The following ZFHX3 variants were observed in gnomAD, a reference collection of about 807,000 sequenced individuals.
ZFHX3 encodes zinc finger homeobox 3, also known as zinc finger homeobox protein 3.
ZFHX3 carries 42 observed loss-of-function variants against 279.1 expected under a neutral mutation model. The ratio of observed to expected loss-of-function variants is 0.15; its 90% CI spans 0.12 to 0.19. The LOEUF (loss-of-function observed/expected upper bound fraction) is 0.19. Among genes scored for constraint, ZFHX3 ranks in the 10% least tolerant of loss-of-function variants. ZFHX3 has a pLI of 1.00. For synonymous variants in ZFHX3, 2,293 were observed against 1,957.8 expected, an observed-to-expected ratio of 1.17 and a Z score of -4.52; for missense variants, 4,981 against 4,754.0, an observed-to-expected ratio of 1.05 and a Z score of -1.40.
intron 4 of ZFHX3, among the ~76,000 whole-genome samples, chr16:72,858,421 A>G (rs2037804683): frequency 6.6e-6 from 1 of 152,188 alleles, no homozygotes; most frequent in African/African-American, 2.4e-5. Context: ...GGCAAAACAA[A>G]AAGAGGGGGG....
chr16:72,901,943 C>T (rs1489222126), intron 3 of ZFHX3, among the ~76,000 whole-genome samples: 1 of 152,134 alleles, frequency 6.6e-6, no homozygotes, highest in Non-Finnish European at 1.5e-5. Context: ...CATTAAAAGC[C>T]GATATTGTTC....
chr16:73,330,305 G>T (rs2143224460), intron 3 of ZFHX3, among the ~76,000 whole-genome samples: 1 of 152,300 alleles, frequency 6.6e-6, no homozygotes, highest in East Asian at 1.9e-4. Context: ...TAATTAATCT[G>T]GGCAGGTTAA....
intron 5 of ZFHX3, among the ~76,000 whole-genome samples, chr16:73,255,928 C>A (rs1363035319): frequency 6.6e-6 from 1 of 152,276 alleles, no homozygotes; most frequent in East Asian, 1.9e-4. Context: ...TAGGAGTCTG[C>A]CGTCTTGGTT....
intron 2 of ZFHX3, among the ~76,000 whole-genome samples, chr16:73,566,864 A>G (rs878983235): frequency 6.6e-6 from 1 of 151,918 alleles, no homozygotes; most frequent in South Asian, 2.1e-4. Flanking sequence ...ACACCCAGCT[A>G]ATTTTTGTAT....
At chr16:73,287,727 G>A (rs1401367566) in intron 4 of ZFHX3, among the ~76,000 whole-genome samples, 2 of 147,178 alleles carry the variant, frequency 1.4e-5, no homozygotes, top group Non-Finnish European at 3.0e-5. Context: ...TGGCTGTGTG[G>A]GTCGGTGTGT....
chr16:73,162,995 G>T (rs1486900516), intron 5 of ZFHX3, among the ~76,000 whole-genome samples: 1 of 152,138 alleles, frequency 6.6e-6, no homozygotes, highest in African/African-American at 2.4e-5. Context: ...AGGAACATGT[G>T]GTCTTCAGGT....
chr16:73,488,226 G>A (rs900723197), intron 2 of ZFHX3, among the ~76,000 whole-genome samples: 7 of 152,166 alleles, frequency 4.6e-5, no homozygotes, highest in African/African-American at 1.7e-4. Context: ...CTAAAGGAAT[G>A]GTGCCATCCT....
At chr16:73,214,005 CAT>C (rs2012109939) in intron 5 of ZFHX3, among the ~76,000 whole-genome samples, 1 of 152,302 alleles carries the variant, frequency 6.6e-6, no homozygotes, top group East Asian at 1.9e-4. Flanking sequence ...TATCTTATTA[CAT>C]GTTTGATACA....
intron 1 of ZFHX3, chr16:73,809,530 G>A (rs182661569): frequency 4.6e-5 from 7 of 152,246 alleles, no homozygotes; most frequent in African/African-American, 1.2e-4. Context: ...TCTGTTTCAC[G>A]GTGCTGCTTC....
intron 2 of ZFHX3, among the ~76,000 whole-genome samples, chr16:73,646,590 T>A (rs530500579): frequency 6.8e-4 from 103 of 152,082 alleles, no homozygotes; most frequent in Non-Finnish European, 1.2e-3. Context: ...GAAAGACAAT[T>A]AATATTAGGA....
chr16:73,127,174 G>T, intron 7 of ZFHX3: 1 of 366,182 alleles, frequency 2.7e-6, no homozygotes, highest in Non-Finnish European at 4.9e-6. Context: ...ACTACCTGTT[G>T]GAAGAAGGGT....
At chr16:73,369,834 G>T (rs554474970) in intron 3 of ZFHX3, among the ~76,000 whole-genome samples, 3 of 140,696 alleles carry the variant, frequency 2.1e-5, no homozygotes, top group Non-Finnish European at 4.6e-5. Context: ...GAATTAGGAT[G>T]GTCCTTTCTC....
chr16:72,897,960 ACT>A (rs1255561318), intron 3 of ZFHX3, among the ~76,000 whole-genome samples: 7 of 152,130 alleles, frequency 4.6e-5, no homozygotes, highest in African/African-American at 1.4e-4. Flanking sequence ...GGAACATGAG[ACT>A]CTGCAGACCC....
chr16:73,284,344 G>T (rs62054716), intron 4 of ZFHX3, among the ~76,000 whole-genome samples: 1 of 143,398 alleles, frequency 7.0e-6, no homozygotes, highest in Non-Finnish European at 1.5e-5. Flanking sequence ...AAAAAAGAAG[G>T]AAAATAAATA....
At chr16:73,082,933 T>G (rs1289533500) in intron 8 of ZFHX3, among the ~76,000 whole-genome samples, 2 of 151,314 alleles carry the variant, frequency 1.3e-5, no homozygotes, top group African/African-American at 2.4e-5. Flanking sequence ...CCTGTAATCT[T>G]AGCACTTTGG....
intron 1 of ZFHX3, among the ~76,000 whole-genome samples, chr16:73,783,945 G>T (rs1222707166): frequency 6.6e-6 from 1 of 152,100 alleles, no homozygotes; most frequent in Non-Finnish European, 1.5e-5. Context: ...CTGTTCCTAA[G>T]AACAGGAACC....
At chr16:72,848,719 C>A (rs1421622250) in intron 4 of ZFHX3, among the ~76,000 whole-genome samples, 1 of 147,102 alleles carries the variant, frequency 6.8e-6, no homozygotes, top group Admixed American at 7.0e-5. Context: ...TGATCAGATG[C>A]CCCCAGACAT....
chr16:73,040,035 A>G (rs1597124620), intron 1 of ZFHX3, among the ~76,000 whole-genome samples: 1 of 152,334 alleles, frequency 6.6e-6, no homozygotes, highest in Middle Eastern at 3.4e-3. Context: ...ATGTCTGGGC[A>G]GCTCTGTTTT....
chr16:72,812,486 C>T lies in ZFHX3; in HGVS notation c.3530-448G>A, dbSNP rs1042812510. Among the ~76,000 whole-genome samples, 3 of 152,140 alleles carry T rather than the reference C, an allele frequency of 2.0e-5. No homozygotes were observed. The East Asian group carries it at 5.8e-4, about 29-fold the overall frequency. ...GAGATGTGCTCTCAACTTTATTGTC[C>T]CTCCTCTTGGAATCACAACATGGCA... On this transcript the variant is annotated intron_variant, in intron 5 of 9. Transcript: ENST00000268489.
Sources: allele counts gnomAD v4.1 joint callset (sites outside exome capture counted in the v4.1 genomes callset), GRCh38; gene constraint gnomAD v4.1.1; transcripts MANE v1.5; gene names NCBI Gene and HGNC (gene_info 2026-07-23, HGNC 2026-07-21).